Variants in SOX6 observed in about 807,000 individuals in gnomAD.
SOX6 encodes transcription factor SOX-6.
SOX6 carries 11 observed loss-of-function variants against 97.8 expected under a neutral mutation model. That is an observed-to-expected ratio of 0.11 (90% CI 0.07 to 0.19). SOX6 has a LOEUF of 0.19. Among genes scored for constraint, SOX6 ranks in the 10% least tolerant of loss-of-function variants. The probability of loss-of-function intolerance (pLI) is 1.00; values close to 1 mark genes in which losing one functional copy is unlikely to be tolerated. For missense variants in SOX6, 810 were observed against 1,039.5 expected (o/e 0.78, Z 3.04); for synonymous variants, 360 against 371.4 (o/e 0.97, Z 0.35).
intron 1 of SOX6, among the ~76,000 whole-genome samples, chr11:16,466,944 A>C (rs906863345): frequency 6.6e-6 from 1 of 150,652 alleles, no homozygotes; most frequent in Non-Finnish European, 1.5e-5. Flanking sequence ...AAAAAAAAAA[A>C]AAAAAAAAAA....
intron 1 of SOX6, among the ~76,000 whole-genome samples, chr11:16,450,438 T>C (rs1169674579): frequency 6.6e-6 from 1 of 152,164 alleles, no homozygotes; most frequent in African/African-American, 2.4e-5. Flanking sequence ...ATGGGGAAAA[T>C]ATAGACAGCT....
chr11:16,043,955 C>T (rs1042742568), intron 12 of SOX6, among the ~76,000 whole-genome samples: 2 of 152,136 alleles, frequency 1.3e-5, no homozygotes, highest in African/African-American at 2.4e-5. Context: ...TTCTGAATGG[C>T]CATGGCAGCC....
At chr11:16,215,872 T>C (rs1193213631) in intron 4 of SOX6, among the ~76,000 whole-genome samples, 1 of 152,202 alleles carries the variant, frequency 6.6e-6, no homozygotes, top group East Asian at 1.9e-4. Context: ...TTGGTTTTGT[T>C]TTTCTGTTTG....
At chr11:16,213,036 A>T (rs1297926888) in intron 4 of SOX6, among the ~76,000 whole-genome samples, 1 of 152,124 alleles carries the variant, frequency 6.6e-6, no homozygotes, top group Non-Finnish European at 1.5e-5. Context: ...CCTTGAGGTC[A>T]TCTTTGTTAA....
chr11:16,301,802 T>C (rs1855267047), intron 3 of SOX6, among the ~76,000 whole-genome samples: 1 of 151,932 alleles, frequency 6.6e-6, no homozygotes, highest in South Asian at 2.1e-4. Context: ...AAAAATTCAA[T>C]CCATAAAACG....
intron 3 of SOX6, among the ~76,000 whole-genome samples, chr11:16,668,245 TG>T (rs1320455815): frequency 1.3e-5 from 2 of 151,144 alleles, no homozygotes; most frequent in African/African-American, 4.9e-5. Flanking sequence ...TGGGGGTGCA[TG>T]CCTGTAGTCC....
chr11:16,404,244 T>C (rs1858631477), intron 1 of SOX6, among the ~76,000 whole-genome samples: 1 of 151,890 alleles, frequency 6.6e-6, no homozygotes, highest in Non-Finnish European at 1.5e-5. Context: ...CTTGCTTCAT[T>C]CAAACTGTGC....
intron 15 of SOX6, among the ~76,000 whole-genome samples, chr11:15,980,803 G>C (rs35038372): frequency 0.32 from 49,104 of 151,652 alleles, 9,353 homozygotes; most frequent in Non-Finnish European, 0.43. Flanking sequence ...AGCTTTATTT[G>C]CTCTTGTCTA....
chr11:16,664,080 T>C (rs1847786784), intron 3 of SOX6, among the ~76,000 whole-genome samples: 1 of 151,876 alleles, frequency 6.6e-6, no homozygotes, highest in South Asian at 2.1e-4. Context: ...CTGGGCAACA[T>C]AGCAAGACCT....
rs533059145 is a variant in SOX6 at position 16,617,939 on chromosome 11, G to A, written n.430-5679C>T. On this transcript the variant is annotated intron_variant and non_coding_transcript_variant, in intron 3 of 5. Coordinates refer to the SOX6 transcript ENST00000524520. Reference sequence around the variant, plus strand: ...AATTATGGATGCTCTTTCTGTTCTTGAGAGATAGGTGCATTTGCTTTTACA... The same window carrying A: ...AATTATGGATGCTCTTTCTGTTCTTAAGAGATAGGTGCATTTGCTTTTACA... Among the ~76,000 whole-genome samples the A allele has an allele frequency of 4.0e-5, 6 of 151,836 alleles. No individual in the cohort carries two copies. In the East Asian group the frequency reaches 1.2e-3, roughly 29 times the overall value.
At chr11:16,432,872 A>G (rs1166592959) in intron 1 of SOX6, among the ~76,000 whole-genome samples, 1 of 152,028 alleles carries the variant, frequency 6.6e-6, no homozygotes, top group Non-Finnish European at 1.5e-5. Flanking sequence ...TTCTTCTCCC[A>G]TGAGTTTCAG....
intron 6 of SOX6, among the ~76,000 whole-genome samples, chr11:16,156,059 C>T (rs1285061533): frequency 6.6e-6 from 1 of 151,976 alleles, no homozygotes; most frequent in Non-Finnish European, 1.5e-5. Context: ...TGTCCTATCT[C>T]TCTCACTATG....
rs562174790 is a variant in SOX6, at chr11:16,219,718, A to G, written c.535+14864T>C. Among the ~76,000 whole-genome samples the G allele has an allele frequency of 4.6e-5, 7 of 152,148 alleles. No homozygotes were observed. The South Asian group carries it at 1.5e-3, about 32-fold the overall frequency. ...AGTGGTTAGCCCAGTAATTTTTTAA[A>G]ATTCAGACAAATGACCTAAATACTA... On this transcript the variant is annotated intron_variant, in intron 4 of 15. Transcript: ENST00000683767.
intron 4 of SOX6, among the ~76,000 whole-genome samples, chr11:16,583,692 A>G (rs925310894): frequency 6.9e-6 from 1 of 145,966 alleles, no homozygotes; most frequent in African/African-American, 2.5e-5. Context: ...GGTTGATTCC[A>G]TGTTATTGTG....
chr11:16,447,497 T>G (rs1209465208), intron 1 of SOX6, among the ~76,000 whole-genome samples: 2 of 152,012 alleles, frequency 1.3e-5, no homozygotes, highest in African/African-American at 4.8e-5. Flanking sequence ...CTCTGTTGTA[T>G]TCACTTCAGT....
chr11:16,548,484 T>C (rs1036495019), intron 4 of SOX6, among the ~76,000 whole-genome samples: 28 of 152,150 alleles, frequency 1.8e-4, no homozygotes, highest in African/African-American at 6.8e-4. Flanking sequence ...CAATGGGCCA[T>C]AGACCTAAAT....
rs370872689 is a variant in SOX6 at position 16,271,079 on chromosome 11, A to G, written c.446-36408T>C. Among the ~76,000 whole-genome samples, 160 of 151,518 alleles carry G rather than the reference A, an allele frequency of 1.1e-3. 4 individuals are homozygous for G. The South Asian group carries it at 0.024, about 23-fold the overall frequency. Reference sequence around the variant, plus strand: ...AAAGAATACATCCATTTATATTTTGAGTATTTTATCAAAAATGTGTTACAA... The same window carrying G: ...AAAGAATACATCCATTTATATTTTGGGTATTTTATCAAAAATGTGTTACAA... On this transcript the variant is annotated intron_variant, in intron 3 of 15. Transcript: ENST00000683767.
chr11:16,681,792 C>T (rs774819792), intron 3 of SOX6, among the ~76,000 whole-genome samples: 5 of 152,118 alleles, frequency 3.3e-5, no homozygotes, highest in Non-Finnish European at 7.4e-5. Context: ...TGCCACTGAT[C>T]CCACAGAAAT....
chr11:16,611,293 T>C (rs1387584754), intron 4 of SOX6, among the ~76,000 whole-genome samples: 1 of 152,190 alleles, frequency 6.6e-6, no homozygotes, highest in Non-Finnish European at 1.5e-5. Flanking sequence ...AAACCTCGAA[T>C]TCCCGCTTTG....
Sources: gnomAD v4.1 joint callset for allele counts (sites outside exome capture counted in the v4.1 genomes callset) on GRCh38, gnomAD v4.1.1 for gene constraint, MANE v1.5 for transcripts, NCBI Gene and HGNC (gene_info 2026-07-23, HGNC 2026-07-21) for gene names.